PITRM1: variants seen among roughly 807,000 people sequenced by gnomAD.
PITRM1 encodes the protein pitrilysin metallopeptidase 1, also known as presequence protease, mitochondrial.
In PITRM1, 100 loss-of-function variants were observed where a neutral mutation model predicts 129.9. The ratio of observed to expected loss-of-function variants is 0.77; its 90% CI spans 0.65 to 0.91. The LOEUF (loss-of-function observed/expected upper bound fraction) is 0.91, where lower values mean the gene tolerates loss of function less well. Among genes scored for constraint, PITRM1 ranks in the 40% least tolerant of loss-of-function variants. The pLI is 0.00. For missense variants in PITRM1, 1,471 were observed against 1,318.3 expected (o/e 1.12, Z -1.79); for synonymous variants, 591 against 508.8 (o/e 1.16, Z -2.17).
intron 23 of PITRM1, 105 bp downstream of exon 23, chr10:3,143,284 G>C (rs2131825032): frequency 1.4e-6 from 1 of 711,010 alleles, no homozygotes; most frequent in Non-Finnish European, 2.5e-6. Context: ...CTCAGAGTCA[G>C]CACAGACTTT....
intron 23 of PITRM1, chr10:3,143,145 T>C (rs1353864892): frequency 3.8e-6 from 2 of 524,660 alleles, no homozygotes; most frequent in Non-Finnish European, 3.4e-6. Context: ...GGTATCTGTA[T>C]TGTTCATAGG....
At chr10:3,158,727 C>A (rs780616914) in intron 10 of PITRM1, among the ~76,000 whole-genome samples, 187 bp downstream of exon 10, 2 of 152,150 alleles carry the variant, frequency 1.3e-5, no homozygotes, top group Admixed American at 1.3e-4. Flanking sequence ...CTGATGGGGG[C>A]GGCCATCCTG....
At chr10:3,148,337 C>T in intron 16 of PITRM1, 46 bp from the exon 17 acceptor site, 2 of 1,539,486 alleles carry the variant, frequency 1.3e-6, no homozygotes, top group Non-Finnish European at 1.7e-6. Flanking sequence ...TCAGTCTTTA[C>T]TGAATCATTT....
At chr10:3,156,867 T>A in intron 13 of PITRM1, 63 bp downstream of exon 13, 1 of 1,078,934 alleles carries the variant, frequency 9.3e-7, no homozygotes, top group Non-Finnish European at 1.3e-6. Context: ...GTTCCTAATA[T>A]TCCTTTCATT....
intron 1 of PITRM1, among the ~76,000 whole-genome samples, chr10:3,171,771 T>C (rs1272931843): frequency 6.6e-6 from 1 of 152,144 alleles, no homozygotes; most frequent in Non-Finnish European, 1.5e-5. Flanking sequence ...CTGAATGAGA[T>C]GGCTCACACC....
At chr10:3,147,287 G>A (rs765050588) in intron 19 of PITRM1, 37 bp from the exon 20 acceptor site, 8 of 1,435,930 alleles carry the variant, frequency 5.6e-6, no homozygotes, top group Non-Finnish European at 7.8e-6. Context: ...AGAGGCAGAG[G>A]CTACAACAGA....
In PITRM1 at chr10:3,155,694, T is replaced by C; in HGVS notation, c.1518A>G (p.Pro506=). Reference sequence around the variant, plus strand: ...CCTGCTTCTCGTGATACTTGTCATCTGGCCTCATCGATAAAGTCAGCTTAT... The same window carrying C: ...CCTGCTTCTCGTGATACTTGTCATCCGGCCTCATCGATAAAGTCAGCTTAT... ...NQHKLTLSMR[P]DDKYHEKQAQ... The change falls in exon 14 of 27, where the codon CCA becomes CCG. Residue 506 remains proline (P), a synonymous_variant. Transcript: ENST00000224949. The C allele has an allele frequency of 6.2e-7, 1 of 1,613,972 alleles. No homozygotes were observed. Among genetic ancestry groups the C allele is most frequent in the Non-Finnish European group, 8.5e-7 (1 of 1,179,894 alleles).
intron 16 of PITRM1, chr10:3,149,216 C>A (rs938788336): frequency 2.1e-4 from 35 of 166,566 alleles, no homozygotes; most frequent in South Asian, 1.6e-4. Flanking sequence ...TCTGTGCACA[C>A]CCCACCTAGG....
At chr10:3,143,232 A>G in intron 23 of PITRM1, 157 bp downstream of exon 23, 2 of 606,224 alleles carry the variant, frequency 3.3e-6, no homozygotes, top group Non-Finnish European at 6.0e-6. Flanking sequence ...ACTGCTGGTT[A>G]AAGAGGAGCA....
intron 21 of PITRM1, chr10:3,145,324 CAA>C (rs1840740007): frequency 2.5e-6 from 1 of 407,550 alleles, no homozygotes; most frequent in Non-Finnish European, 4.4e-6. Flanking sequence ...GTATTCCAGC[CAA>C]AGTCTGTTTT....
intron 7 of PITRM1, among the ~76,000 whole-genome samples, chr10:3,162,634 C>G (rs1176721900): frequency 6.6e-6 from 1 of 152,194 alleles, no homozygotes; most frequent in Non-Finnish European, 1.5e-5. Context: ...ATGGAGAGCT[C>G]CCCATGAGGG....
rs778498178 is a variant in PITRM1 at position 3,151,339 on chromosome 10, C to T, written c.1646G>A (p.Ser549Asn). Residue 549 changes from serine (S) to asparagine (N), a missense_variant, in exon 15 of 27, where the codon AGC becomes AAC. By Grantham distance (46) the Ser-to-Asn change is conservative (BLOSUM62 1). Transcript: ENST00000224949. ...EKGLELRSQQ[S>N]KPQDASCLPA... ...CAGACAAGAGGCATCTTGAGGTTTG[C>T]TTTGTTGACTCCGTAATTCTAGACC... 3.7e-6 allele frequency: 6 copies of T among 1,608,200 alleles called. No homozygotes were observed. In the South Asian group the frequency reaches 6.7e-5, roughly 18 times the overall value.
chr10:3,154,385 C>T (rs751440665), intron 14 of PITRM1, among the ~76,000 whole-genome samples: 10 of 152,162 alleles, frequency 6.6e-5, no homozygotes, highest in Non-Finnish European at 1.5e-4. Flanking sequence ...GACCCCGTTT[C>T]CTAGGTGGCC....
rs766457751 is a variant in PITRM1 at position 3,163,765 on chromosome 10, T to G, written c.751A>C (p.Lys251Gln). The G allele has an allele frequency of 1.1e-5, 17 of 1,612,988 alleles. No homozygotes were observed. In the South Asian group the frequency reaches 1.5e-4, roughly 15 times the overall value. Residue 251 changes from lysine to glutamine, a missense_variant, in exon 7 of 27, where the codon AAG (lysine) becomes CAG (glutamine). Transcript: ENST00000224949. ...CIPELTWEQL[K>Q]QFHATHYHPS... Reference sequence around the variant, plus strand: ...TGATAGTGAGTGGCATGAAACTGCTTAAGCTGCTCCCATGTAAGCTCCGGG... The same window carrying G: ...TGATAGTGAGTGGCATGAAACTGCTGAAGCTGCTCCCATGTAAGCTCCGGG...
intron 23 of PITRM1, chr10:3,141,776 A>G: frequency 2.5e-6 from 1 of 400,676 alleles, no homozygotes; most frequent in South Asian, 1.9e-5. Context: ...CCAGGTGGGA[A>G]ATCAAGGAAG....
At chr10:3,153,568 G>A (rs1034675367) in intron 14 of PITRM1, among the ~76,000 whole-genome samples, 6 of 151,672 alleles carry the variant, frequency 4.0e-5, no homozygotes, top group Non-Finnish European at 7.4e-5. Context: ...GCAGTGAGCC[G>A]AGATCGTGCC....
At chr10:3,144,009 A>G (rs1026618983) in intron 22 of PITRM1, 16 of 558,338 alleles carry the variant, frequency 2.9e-5, no homozygotes, top group Non-Finnish European at 4.8e-5. Context: ...GGAGGAGACC[A>G]CCCAGAGCAG....
chr10:3,172,175 C>G lies in PITRM1; in HGVS notation c.56+542G>C, dbSNP rs568382287. ...CCCGGCCTGGGCCGGCAGCGCTGAA[C>G]TATTACCTTATATTAAACACGGGCT... On this transcript the variant is annotated intron_variant, in intron 1 of 26. Coordinates refer to ENST00000224949, the MANE Select transcript of PITRM1 (RefSeq NM_014889.4). 4.2e-5 allele frequency: 19 copies of G among 456,446 alleles called. 1 individual carries two copies. Among genetic ancestry groups the G allele is most frequent in the South Asian group, 2.8e-4 (18 of 64,554 alleles). 28.3% of individuals were successfully genotyped at this position (456,446 alleles called of 1,614,324 possible).
At chr10:3,148,462 G>C (rs562113384) in intron 16 of PITRM1, 171 bp from the exon 17 acceptor site, 2 of 727,888 alleles carry the variant, frequency 2.7e-6, no homozygotes, top group Non-Finnish European at 4.3e-6. Flanking sequence ...CTTCGCCCTC[G>C]AGAGTTCATG....
Sources: allele counts gnomAD v4.1 joint callset (sites outside exome capture counted in the v4.1 genomes callset), GRCh38; gene constraint gnomAD v4.1.1; transcripts MANE v1.5; gene names NCBI Gene and HGNC (gene_info 2026-07-23, HGNC 2026-07-21).